Variants in MGAT1 observed in about 807,000 individuals in gnomAD.
MGAT1 encodes the protein alpha-1,3-mannosyl-glycoprotein 2-beta-N-acetylglucosaminyltransferase.
MGAT1 carries 14 observed loss-of-function variants against 31.7 expected under a neutral mutation model. The observed-to-expected ratio is 0.44, with a 90% CI of 0.29 to 0.69. The LOEUF (loss-of-function observed/expected upper bound fraction) is 0.69. MGAT1 is among the 30% of genes least tolerant of loss of function. The probability of loss-of-function intolerance (pLI) is 0.12; values close to 1 mark genes in which losing one functional copy is unlikely to be tolerated. For synonymous variants in MGAT1, 338 were observed against 276.0 expected, an observed-to-expected ratio of 1.22 and a Z score of -2.23; for missense variants, 557 against 626.0, an observed-to-expected ratio of 0.89 and a Z score of 1.18.
chr5:180,812,823 T>C (rs939234946), intron 1 of MGAT1, among the ~76,000 whole-genome samples: 3 of 152,192 alleles, frequency 2.0e-5, no homozygotes, highest in Admixed American at 2.0e-4. Context: ...TTTCACCATA[T>C]AATTGCCGGT....
intron 2 of MGAT1, among the ~76,000 whole-genome samples, chr5:180,808,228 T>C (rs1772113346): frequency 6.6e-6 from 1 of 151,834 alleles, no homozygotes; most frequent in East Asian, 1.9e-4. Context: ...TCCCGCCTTC[T>C]CCCCCCACCA....
intron 1 of MGAT1, chr5:180,815,304 A>C (rs938048834): frequency 2.0e-5 from 3 of 152,242 alleles, no homozygotes; most frequent in African/African-American, 7.2e-5. Context: ...GTTTCAACAT[A>C]AGTTTTGGAG....
intron 1 of MGAT1, among the ~76,000 whole-genome samples, chr5:180,793,800 A>G (rs903744044): frequency 1.6e-4 from 24 of 152,264 alleles, no homozygotes; most frequent in African/African-American, 5.5e-4. Flanking sequence ...CATGGATGAG[A>G]AAACCCTACT....
intron 1 of MGAT1, among the ~76,000 whole-genome samples, chr5:180,800,143 G>A (rs59591320): frequency 0.032 from 4,880 of 152,270 alleles, 215 homozygotes; most frequent in African/African-American, 0.099. Flanking sequence ...ATCAGTACCT[G>A]AAGCAATGAG....
chr5:180,809,540 A>T (rs1772310379), intron 1 of MGAT1: 1 of 151,990 alleles, frequency 6.6e-6, no homozygotes, highest in African/African-American at 2.4e-5. Context: ...TCCTTTCCAG[A>T]CCGAGATGCT....
chr5:180,791,781 G>A lies in MGAT1; in HGVS notation c.1191C>T (p.Phe397=), dbSNP rs201677887. Residue 397 remains phenylalanine (F), a synonymous_variant, in exon 2 of 2, where the codon TTC becomes TTT. Coordinates refer to ENST00000307826, the MANE Select transcript of MGAT1 (RefSeq NM_002406.4). ...CATCCATGACACCCAGAGCCTTGGCGAAAGCCTTGAAGCTGTCCCTGCCCG... is the reference window on the plus strand; with the variant it reads ...CATCCATGACACCCAGAGCCTTGGCAAAAGCCTTGAAGCTGTCCCTGCCCG... The part of the protein sequence containing the change: ...QYTGRDSFKA[F]AKALGVMDDL... The A allele has an allele frequency of 6.3e-5, 102 of 1,614,210 alleles. No individual in the cohort carries two copies. In the East Asian group the frequency reaches 2.0e-3, roughly 31 times the overall value.
At position 180,789,677 on chromosome 5, in the gene MGAT1, G is replaced by A. The variant is rs1432427316; in HGVS notation, c.*1957C>T. 2.0e-5 allele frequency: 3 copies of A among 152,168 alleles called. No individual in the cohort carries two copies. Among genetic ancestry groups the A allele is most frequent in the African/African-American group, 7.2e-5 (3 of 41,424 alleles). The allele number at this position is 152,168 out of a possible 1,614,324, so 9.4% of individuals were successfully genotyped here. ...GAGTCTTGCTCTGTCGCCCAGGCTGGAGTGCAGTGGTATGATCTTGGATTA... is the reference window on the plus strand; with the variant it reads ...GAGTCTTGCTCTGTCGCCCAGGCTGAAGTGCAGTGGTATGATCTTGGATTA... On this transcript the variant is annotated 3_prime_UTR_variant, in exon 2 of 2. Coordinates refer to ENST00000307826, the MANE Select transcript of MGAT1 (RefSeq NM_002406.4).
intron 1 of MGAT1, among the ~76,000 whole-genome samples, chr5:180,813,075 CTG>C (rs1488808488): frequency 6.7e-6 from 1 of 150,138 alleles, no homozygotes; most frequent in Non-Finnish European, 1.5e-5. Context: ...GTAGCTAAAT[CTG>C]TGTGCACGTC....
rs543579130 is a variant in MGAT1, at chr5:180,784,961, T to C, written c.*6673A>G. 1.3e-5 allele frequency: 2 copies of C among 152,368 alleles called. No individual in the cohort carries two copies. The highest frequency in any genetic ancestry group is 2.9e-5 in the Non-Finnish European group (2 of 68,036). 9.4% of individuals were successfully genotyped at this position (152,368 alleles called of 1,614,324 possible). ...TTGCCGTGTGGCAAAATATTCCTCG[T>C]TGGATCATGTCAGTGGAAAGAGTAT... On this transcript the variant is annotated 3_prime_UTR_variant, in exon 2 of 2. Transcript: ENST00000307826.
At chr5:180,811,899 C>G (rs1363699071) in intron 1 of MGAT1, among the ~76,000 whole-genome samples, 1 of 152,216 alleles carries the variant, frequency 6.6e-6, no homozygotes, top group Admixed American at 6.5e-5. Flanking sequence ...AACACCCCTT[C>G]CAGGCATTTC....
At chr5:180,803,013 T>A (rs1468319993), upstream of MGAT1, 1 of 151,658 alleles carries the variant, frequency 6.6e-6, no homozygotes, top group Non-Finnish European at 1.5e-5. Flanking sequence ...GGACCCCAAC[T>A]TCGGGAGTCG....
At chr5:180,812,499 C>T (rs1772638477) in intron 1 of MGAT1, among the ~76,000 whole-genome samples, 1 of 151,980 alleles carries the variant, frequency 6.6e-6, no homozygotes, top group African/African-American at 2.4e-5. Flanking sequence ...TCCCACCCTG[C>T]TGAAAGGAAC....
At position 180,791,406 on chromosome 5, in the gene MGAT1, G is replaced by T; in HGVS notation, c.*228C>A. On this transcript the variant is annotated 3_prime_UTR_variant, in exon 2 of 2. Coordinates refer to ENST00000307826, the MANE Select transcript of MGAT1 (RefSeq NM_002406.4). ...GCCCCCCACCACACAGTGGTTTCCT[G>T]CTTAATACCCCGCAACATACCCTAG... is the stretch of plus-strand genomic sequence containing the variant. 1 of 619,716 alleles carries T rather than the reference G, an allele frequency of 1.6e-6. No homozygotes were observed. Among genetic ancestry groups the T allele is most frequent in the Non-Finnish European group, 2.8e-6 (1 of 358,800 alleles). The allele number at this position is 619,716 out of a possible 1,614,324, so 38.4% of individuals were successfully genotyped here.
intron 1 of MGAT1, among the ~76,000 whole-genome samples, 167 bp downstream of exon 1, chr5:180,802,513 A>G (rs931283335): frequency 1.3e-5 from 2 of 152,208 alleles, no homozygotes; most frequent in African/African-American, 4.8e-5. Context: ...GGAAGGGACT[A>G]ACGCGCAGCT....
chr5:180,813,245 C>T (rs905707870), intron 1 of MGAT1, among the ~76,000 whole-genome samples: 1 of 152,140 alleles, frequency 6.6e-6, no homozygotes, highest in African/African-American at 2.4e-5. Flanking sequence ...TTTTTGTCAT[C>T]TTTGTTAATA....
chr5:180,802,401 G>A lies in MGAT1; in HGVS notation c.-127+279C>T, dbSNP rs561709797. ...CGCACGCACGGACGCCCGGGGCCGA[G>A]TTTCACAACATCCTCCCCAGTCCGC... On this transcript the variant is annotated intron_variant, in intron 1 of 1. Transcript: ENST00000307826. Among the ~76,000 whole-genome samples the A allele has an allele frequency of 4.6e-5, 7 of 152,096 alleles. No homozygotes were observed. In the South Asian group the frequency reaches 1.2e-3, roughly 27 times the overall value.
chr5:180,797,383 T>C (rs72650617), intron 1 of MGAT1, among the ~76,000 whole-genome samples: 16,810 of 118,940 alleles, frequency 0.14, 1,089 homozygotes, highest in Middle Eastern at 0.32. Context: ...GCCCGGATGA[T>C]GAAGCAAGAC....
chr5:180,806,303 C>G (rs1370066160), upstream of MGAT1, among the ~76,000 whole-genome samples: 2 of 152,232 alleles, frequency 1.3e-5, no homozygotes, highest in Non-Finnish European at 2.9e-5. Context: ...AATGCACACA[C>G]AGTCTGGTTA....
chr5:180,806,437 G>C (rs1010533677), upstream of MGAT1, among the ~76,000 whole-genome samples: 1 of 152,222 alleles, frequency 6.6e-6, no homozygotes, highest in African/African-American at 2.4e-5. Flanking sequence ...AGGGTCAGGT[G>C]CAGGGCAGGA....
Sources: allele counts gnomAD v4.1 joint callset (sites outside exome capture counted in the v4.1 genomes callset), GRCh38; gene constraint gnomAD v4.1.1; transcripts MANE v1.5; gene names NCBI Gene and HGNC (gene_info 2026-07-23, HGNC 2026-07-21).